The following FAM124A variants were observed in gnomAD, a reference collection of about 807,000 sequenced individuals.
FAM124A encodes protein FAM124A.
FAM124A carries 23 observed loss-of-function variants against 24.5 expected under a neutral mutation model. The observed-to-expected ratio is 0.94, with a 90% CI of 0.68 to 1.33. The LOEUF (loss-of-function observed/expected upper bound fraction) is 1.33. FAM124A is among the 40% of genes most tolerant of loss of function. The pLI, the probability that FAM124A is intolerant of heterozygous loss-of-function variation, is 0.00. For missense variants in FAM124A, 623 were observed against 722.8 expected (o/e 0.86, Z 1.58); for synonymous variants, 287 against 314.7 (o/e 0.91, Z 0.93).
At chr13:51,227,858 C>T (rs1216659782) in intron 1 of FAM124A, among the ~76,000 whole-genome samples, 5 of 152,046 alleles carry the variant, frequency 3.3e-5, no homozygotes, top group African/African-American at 1.2e-4. Context: ...ATTGATACTT[C>T]GCTGTGACTT....
intron 3 of FAM124A, among the ~76,000 whole-genome samples, chr13:51,266,809 A>T (rs1954790291): frequency 6.6e-6 from 1 of 152,204 alleles, no homozygotes; most frequent in Admixed American, 6.5e-5. Context: ...GTTAATCCTT[A>T]TGGCAGTTGT....
chr13:51,251,593 C>T lies in FAM124A; in HGVS notation c.226C>T (p.Leu76Phe). The change falls in exon 3 of 4, where the codon CTC becomes TTC. Residue 76 changes from leucine (L) to phenylalanine (F), a missense_variant. Physicochemically the swap from Leu to Phe is conservative, Grantham distance 22. Coordinates refer to ENST00000322475, the MANE Select transcript of FAM124A (RefSeq NM_001242312.2). This position sits in a 1 kb window ranked among gnomAD's most constrained non-coding sequence, Gnocchi z 5.3. The stretch of plus-strand genomic sequence containing the variant: ...CGTCCTGGCGTGGATCCACCCCGAC[C>T]TCCCGCTGTTCCGGGTGTCCGAGAG... ...DNVLAWIHPD[L>F]PLFRVSERRA... 2.6e-6 allele frequency: 4 copies of T among 1,568,348 alleles called. No individual in the cohort carries two copies. Among genetic ancestry groups the T allele is most frequent in the Middle Eastern group, 1.7e-4 (1 of 5,844 alleles).
Position 51,281,724 on chromosome 13 carries a change from C to G in FAM124A, c.*468C>G, listed in dbSNP as rs554915492. 6.5e-6 allele frequency: 1 copy of G among 153,342 alleles called. No individual in the cohort carries two copies. The highest frequency in any genetic ancestry group is 2.1e-4 in the South Asian group (1 of 4,850). The allele number at this position is 153,342 out of a possible 1,614,324, so 9.5% of individuals were successfully genotyped here. Reference sequence around the variant, plus strand: ...CGTAACGCACACCTTACTGGATTCTCCATATATATTTACATTACCAGAGAA... The same window carrying G: ...CGTAACGCACACCTTACTGGATTCTGCATATATATTTACATTACCAGAGAA... On this transcript the variant is annotated 3_prime_UTR_variant, in exon 4 of 4. Transcript: ENST00000322475.
chr13:51,235,991 C>T (rs369137258), intron 2 of FAM124A, among the ~76,000 whole-genome samples: 3 of 152,216 alleles, frequency 2.0e-5, no homozygotes, highest in Non-Finnish European at 4.4e-5. Context: ...TTCCTGCCCT[C>T]TTCCATTTTG....
At position 51,282,732 on chromosome 13, in the gene FAM124A, C is replaced by A. The variant is rs1954951575; in HGVS notation, c.*1476C>A. The A allele has an allele frequency of 6.6e-6, 1 of 152,278 alleles. No homozygotes were observed. Among genetic ancestry groups the A allele is most frequent in the Non-Finnish European group, 1.5e-5 (1 of 68,094 alleles). The allele number at this position is 152,278 out of a possible 1,614,324, so 9.4% of individuals were successfully genotyped here. A position where few individuals can be genotyped will look rare whatever the true frequency, so the allele number is the denominator to read the frequency against. On this transcript the variant is annotated 3_prime_UTR_variant, in exon 4 of 4. Coordinates refer to ENST00000322475, the MANE Select transcript of FAM124A (RefSeq NM_001242312.2). ...CCTCCAGGCAGCAGTTACCAACCAT[C>A]AGTCTTCAGCTGAAGCTTCAAGTCT...
chr13:51,229,957 T>C (rs1409480836), intron 1 of FAM124A, among the ~76,000 whole-genome samples: 2 of 152,186 alleles, frequency 1.3e-5, no homozygotes, highest in Non-Finnish European at 2.9e-5. Flanking sequence ...CCTTCTGCCT[T>C]CGGAGTCCTT....
At chr13:51,222,821 C>T (rs1954275431) in intron 1 of FAM124A, among the ~76,000 whole-genome samples, 1 of 152,176 alleles carries the variant, frequency 6.6e-6, no homozygotes, top group South Asian at 2.1e-4. Flanking sequence ...ATGCAGAGCG[C>T]CAGGCGGATG....
At chr13:51,266,890 CCATT>C (rs1419587522) in intron 3 of FAM124A, among the ~76,000 whole-genome samples, 1 of 152,218 alleles carries the variant, frequency 6.6e-6, no homozygotes, top group Non-Finnish European at 1.5e-5. Flanking sequence ...AACCAGTTGT[CCATT>C]CAGCCAATTT....
At chr13:51,224,271 C>G (rs1954293987) in intron 1 of FAM124A, among the ~76,000 whole-genome samples, 1 of 152,230 alleles carries the variant, frequency 6.6e-6, no homozygotes, top group South Asian at 2.1e-4. Flanking sequence ...GAGTTTGAGA[C>G]CAGCCTGGCC....
chr13:51,232,722 ACTCT>A (rs61148100), intron 2 of FAM124A, among the ~76,000 whole-genome samples: 3 of 151,256 alleles, frequency 2.0e-5, no homozygotes, highest in Non-Finnish European at 4.4e-5. Context: ...GCTCAGTTGA[ACTCT>A]CTCTCTCTCT....
chr13:51,233,799 A>T (rs1954405366), intron 2 of FAM124A, among the ~76,000 whole-genome samples: 1 of 152,240 alleles, frequency 6.6e-6, no homozygotes, highest in South Asian at 2.1e-4. Flanking sequence ...AAGAAAAAAA[A>T]ATATTTCCTA....
intron 3 of FAM124A, among the ~76,000 whole-genome samples, chr13:51,264,498 C>T (rs1341821834): frequency 6.6e-6 from 1 of 152,174 alleles, no homozygotes; most frequent in Non-Finnish European, 1.5e-5. Flanking sequence ...GTGGCATACA[C>T]CTGTAGTCCC....
At chr13:51,261,586 G>GAGGAAGGA (rs1954739197) in intron 3 of FAM124A, among the ~76,000 whole-genome samples, 1 of 133,932 alleles carries the variant, frequency 7.5e-6, no homozygotes, top group Admixed American at 7.2e-5. Context: ...CTTTGAGGTG[G>GAGGAAGGA]AGGAAGGAAA....
chr13:51,271,381 T>C (rs1566174298), intron 3 of FAM124A, among the ~76,000 whole-genome samples: 2 of 151,998 alleles, frequency 1.3e-5, no homozygotes, highest in Non-Finnish European at 2.9e-5. Context: ...TTTTGAAGAG[T>C]ATATAGTCAT....
intron 2 of FAM124A, among the ~76,000 whole-genome samples, chr13:51,248,083 C>T (rs983231601): frequency 2.6e-5 from 4 of 152,158 alleles, no homozygotes; most frequent in Non-Finnish European, 5.9e-5. Flanking sequence ...AAGTAACTGG[C>T]CCATCCTTAA....
intron 3 of FAM124A, among the ~76,000 whole-genome samples, chr13:51,277,749 G>A (rs977796124): frequency 1.4e-5 from 2 of 145,668 alleles, no homozygotes; most frequent in Non-Finnish European, 3.0e-5. Context: ...GGCTGAGATC[G>A]CGCCACTGCA....
intron 3 of FAM124A, among the ~76,000 whole-genome samples, chr13:51,259,173 T>C (rs1275824952): frequency 6.6e-6 from 1 of 152,192 alleles, no homozygotes; most frequent in East Asian, 1.9e-4. Flanking sequence ...CCAGCCACTT[T>C]CTCCACTTCT....
At position 51,281,197 on chromosome 13, in the gene FAM124A, C is replaced by T. The variant is rs780939346; in HGVS notation, c.1582C>T (p.Pro528Ser). 7 of 1,609,810 alleles carry T rather than the reference C, an allele frequency of 4.3e-6. No individual in the cohort carries two copies. In the African/African-American group the frequency reaches 8.0e-5, roughly 18 times the overall value. The change falls in exon 4 of 4, where the codon CCA becomes TCA. Residue 528 changes from proline to serine, a missense_variant. Pro to Ser is a moderately conservative substitution (Grantham distance 74). Coordinates refer to ENST00000322475, the MANE Select transcript of FAM124A (RefSeq NM_001242312.2). ...AGTCAAGCAGACTGATGGAGACATG[C>T]CACCACCCCCAGGGTCGGCTGGCCC... ...PKVKQTDGDM[P>S]PPPGSAGPGD...
At chr13:51,234,708 C>G (rs1954416681) in intron 2 of FAM124A, among the ~76,000 whole-genome samples, 1 of 152,164 alleles carries the variant, frequency 6.6e-6, no homozygotes, top group Non-Finnish European at 1.5e-5. Flanking sequence ...AGGCACTTAC[C>G]TGTTTTCTCT....
Sources: gnomAD v4.1 joint callset for allele counts (sites outside exome capture counted in the v4.1 genomes callset) on GRCh38, gnomAD v4.1.1 for gene constraint, Gnocchi (gnomAD v3.1) non-coding constraint, MANE v1.5 for transcripts, NCBI Gene and HGNC (gene_info 2026-07-23, HGNC 2026-07-21) for gene names.